The following GUCY1A2 variants were observed in gnomAD, a reference collection of about 807,000 sequenced individuals.
GUCY1A2 encodes the protein guanylate cyclase 1 soluble subunit alpha 2.
A neutral mutation model predicts 63.5 loss-of-function variants in GUCY1A2; 27 were observed. The ratio of observed to expected loss-of-function variants is 0.43; its 90% CI spans 0.31 to 0.59. The LOEUF is 0.59. GUCY1A2 is among the 20% of genes least tolerant of loss of function. GUCY1A2 has a pLI of 0.11. For synonymous variants in GUCY1A2, 364 were observed against 343.5 expected (o/e 1.06, Z -0.66); for missense variants, 768 against 913.3 (o/e 0.84, Z 2.05).
intron 6 of GUCY1A2, 144 bp from the exon 7 acceptor site, chr11:106,708,810 T>C: frequency 2.1e-6 from 1 of 473,518 alleles, no homozygotes; most frequent in African/African-American, 2.0e-5. Flanking sequence ...GTCCTGGTCA[T>C]TTTTGTGAGC....
At chr11:106,758,380 C>T (rs950919857) in intron 6 of GUCY1A2, among the ~76,000 whole-genome samples, 2 of 152,180 alleles carry the variant, frequency 1.3e-5, no homozygotes, top group Non-Finnish European at 2.9e-5. Context: ...AGGAGTGTAT[C>T]ATTCCTCCCA....
In GUCY1A2 at chr11:107,018,352, G is replaced by C. The variant is rs1174473160; in HGVS notation, c.-297C>G. On this transcript the variant is annotated 5_prime_UTR_variant, in exon 1 of 8. Transcript: ENST00000526355. ...CTCGCGCGGCGCCGCCTCAGCGCCCGCCTCGGCGCATCGCCGTGCGCCGCG... is the reference window on the plus strand; with the variant it reads ...CTCGCGCGGCGCCGCCTCAGCGCCCCCCTCGGCGCATCGCCGTGCGCCGCG... 6.7e-6 allele frequency: 1 copy of C among 148,670 alleles called. No homozygotes were observed. Among genetic ancestry groups the C allele is most frequent in the Non-Finnish European group, 1.5e-5 (1 of 66,856 alleles). 9.2% of individuals were successfully genotyped at this position (148,670 alleles called of 1,614,324 possible).
intron 7 of GUCY1A2, among the ~76,000 whole-genome samples, chr11:106,704,517 A>G (rs772283329): frequency 4.6e-5 from 7 of 152,208 alleles, no homozygotes; most frequent in Non-Finnish European, 8.8e-5. Context: ...TGAGCTGTTC[A>G]GGTAGCAGTG....
chr11:106,965,037 A>G (rs1861109868), intron 3 of GUCY1A2, among the ~76,000 whole-genome samples: 1 of 152,042 alleles, frequency 6.6e-6, no homozygotes, highest in Admixed American at 6.6e-5. Flanking sequence ...AACATACAGT[A>G]CCATGTAGCA....
intron 5 of GUCY1A2, among the ~76,000 whole-genome samples, chr11:106,784,729 T>A (rs1341257942): frequency 6.6e-6 from 1 of 152,234 alleles, no homozygotes; most frequent in Non-Finnish European, 1.5e-5. Context: ...TATGAAGATC[T>A]GCATTATAGG....
intron 4 of GUCY1A2, among the ~76,000 whole-genome samples, chr11:106,811,712 T>C (rs1272931812): frequency 6.6e-6 from 1 of 152,100 alleles, no homozygotes; most frequent in Non-Finnish European, 1.5e-5. Context: ...ATAATTTTTA[T>C]GGAATTAAAT....
chr11:106,752,353 G>A (rs745453615), intron 6 of GUCY1A2, among the ~76,000 whole-genome samples: 4 of 152,030 alleles, frequency 2.6e-5, no homozygotes, highest in African/African-American at 4.8e-5. Flanking sequence ...GGTTCAAAAA[G>A]GTTTATTCAA....
intron 4 of GUCY1A2, among the ~76,000 whole-genome samples, chr11:106,842,782 T>A (rs575296761): frequency 8.3e-4 from 126 of 152,012 alleles, no homozygotes; most frequent in South Asian, 8.1e-3. Flanking sequence ...TAGATTTTGA[T>A]TTAGTAGGTC....
At chr11:106,708,300 C>T (rs993990143) in intron 7 of GUCY1A2, among the ~76,000 whole-genome samples, 3 of 151,904 alleles carry the variant, frequency 2.0e-5, no homozygotes, top group Admixed American at 6.6e-5. Flanking sequence ...CTATATTCAC[C>T]TCTCAGTCAT....
chr11:106,837,304 A>G (rs923394143), intron 4 of GUCY1A2, among the ~76,000 whole-genome samples: 7 of 151,942 alleles, frequency 4.6e-5, no homozygotes, highest in Admixed American at 4.6e-4. Flanking sequence ...AGCACCATCC[A>G]TGTCCCTTGC....
At chr11:106,688,683 T>C (rs1205082896) in intron 7 of GUCY1A2, among the ~76,000 whole-genome samples, 1 of 152,048 alleles carries the variant, frequency 6.6e-6, no homozygotes, top group Admixed American at 6.5e-5. Context: ...TAGAACGTAA[T>C]AGGCTAGATG....
chr11:106,927,863 C>G (rs113195098), intron 4 of GUCY1A2, among the ~76,000 whole-genome samples: 1 of 152,176 alleles, frequency 6.6e-6, no homozygotes, highest in East Asian at 1.9e-4. Flanking sequence ...TGAGCCACCA[C>G]GCCCGGCCTG....
intron 3 of GUCY1A2, among the ~76,000 whole-genome samples, chr11:106,958,313 A>G: frequency 6.6e-6 from 1 of 152,178 alleles, no homozygotes; most frequent in East Asian, 1.9e-4. Flanking sequence ...TCCTCTACTT[A>G]AACAGCACCC....
intron 5 of GUCY1A2, among the ~76,000 whole-genome samples, chr11:106,781,970 G>C (rs1287704588): frequency 3.9e-5 from 6 of 152,124 alleles, no homozygotes; most frequent in Non-Finnish European, 5.9e-5. Context: ...TTGCCCTCTA[G>C]GCTAATACTT....
At chr11:106,801,095 G>A (rs180909249) in intron 5 of GUCY1A2, among the ~76,000 whole-genome samples, 57 of 152,040 alleles carry the variant, frequency 3.7e-4, no homozygotes, top group African/African-American at 1.0e-3. Context: ...TTTAACCTCC[G>A]GGAGCCAAAG....
chr11:106,715,337 C>A (rs545427290), intron 6 of GUCY1A2, among the ~76,000 whole-genome samples: 1 of 152,190 alleles, frequency 6.6e-6, no homozygotes, highest in East Asian at 1.9e-4. Context: ...TAGTCCAGCT[C>A]CCTCATTTTA....
At chr11:106,907,229 C>T (rs536680908) in intron 4 of GUCY1A2, among the ~76,000 whole-genome samples, 1 of 152,102 alleles carries the variant, frequency 6.6e-6, no homozygotes, top group Non-Finnish European at 1.5e-5. Context: ...CCCTTCCACT[C>T]CCCTCTTCAG....
At chr11:106,949,886 A>C (rs1320169695) in intron 3 of GUCY1A2, among the ~76,000 whole-genome samples, 1 of 152,228 alleles carries the variant, frequency 6.6e-6, no homozygotes, top group East Asian at 1.9e-4. Flanking sequence ...AATCTATAAA[A>C]GAATGAATAT....
chr11:106,690,827 CT>C (rs1367978290), intron 7 of GUCY1A2, among the ~76,000 whole-genome samples: 1 of 152,136 alleles, frequency 6.6e-6, no homozygotes, highest in Non-Finnish European at 1.5e-5. Flanking sequence ...GAACCTAGAC[CT>C]GTAAACACAG....
Sources: gnomAD v4.1 joint callset for allele counts (sites outside exome capture counted in the v4.1 genomes callset) on GRCh38, gnomAD v4.1.1 for gene constraint, MANE v1.5 for transcripts, NCBI Gene and HGNC (gene_info 2026-07-23, HGNC 2026-07-21) for gene names.